The following PRELID2 variants were observed in gnomAD, a reference collection of about 807,000 sequenced individuals.
The protein encoded by PRELID2 is PRELI domain containing 2.
PRELID2 carries 25 observed loss-of-function variants against 28.4 expected under a neutral mutation model. The observed-to-expected ratio is 0.88, with a 90% CI of 0.64 to 1.23. The LOEUF (loss-of-function observed/expected upper bound fraction) is 1.23. PRELID2 is among the 50% of genes most tolerant of loss of function. PRELID2 has a pLI of 0.00. For synonymous variants in PRELID2, 76 were observed against 71.6 expected (o/e 1.06, Z -0.31); for missense variants, 201 against 214.4 (o/e 0.94, Z 0.39).
chr5:145,727,941 C>T (rs370396870), intron 1 of PRELID2, among the ~76,000 whole-genome samples: 2 of 152,144 alleles, frequency 1.3e-5, no homozygotes, highest in African/African-American at 4.8e-5. Flanking sequence ...TCCAAAAGGT[C>T]CCACTGGAGA....
chr5:145,729,862 T>C (rs552841384), intron 1 of PRELID2, among the ~76,000 whole-genome samples: 12 of 152,290 alleles, frequency 7.9e-5, no homozygotes, highest in African/African-American at 2.6e-4. Context: ...AATGTGAGTA[T>C]GGAGGCTGTG....
chr5:145,566,829 G>A (rs1458326441), intron 1 of PRELID2, among the ~76,000 whole-genome samples: 1 of 125,882 alleles, frequency 7.9e-6, no homozygotes, highest in East Asian at 2.3e-4. Context: ...GAGAGAGTGA[G>A]ACTCCATCTC....
intron 1 of PRELID2, among the ~76,000 whole-genome samples, chr5:145,573,864 T>C (rs1364206580): frequency 1.3e-5 from 2 of 152,186 alleles, no homozygotes; most frequent in South Asian, 2.1e-4. Context: ...ACCAAATTTT[T>C]GCCTCCAAGA....
At chr5:145,821,653 C>T (rs1754838797) in intron 2 of PRELID2, among the ~76,000 whole-genome samples, 1 of 152,224 alleles carries the variant, frequency 6.6e-6, no homozygotes, top group African/African-American at 2.4e-5. Context: ...TGCCCAGAAG[C>T]TGTTGATAGG....
chr5:145,332,514 G>A, the PRELID2 span, among the ~76,000 whole-genome samples: 1 of 151,586 alleles, frequency 6.6e-6, no homozygotes, highest in East Asian at 2.0e-4. Context: ...ATTTCATTAA[G>A]TTGATCTTCA....
At chr5:145,755,595 T>C (rs946862805), downstream of PRELID2, among the ~76,000 whole-genome samples, 6 of 152,240 alleles carry the variant, frequency 3.9e-5, no homozygotes, top group Non-Finnish European at 8.8e-5. Context: ...ATGGACTAAA[T>C]GGCTGGTATC....
At chr5:145,325,836 AC>A in the PRELID2 span, among the ~76,000 whole-genome samples, 1 of 152,192 alleles carries the variant, frequency 6.6e-6, no homozygotes, top group South Asian at 2.1e-4. Context: ...AACTAGTAAA[AC>A]TTTATTTGCA....
chr5:145,581,635 T>C (rs1327336519), intron 1 of PRELID2, among the ~76,000 whole-genome samples: 2 of 152,026 alleles, frequency 1.3e-5, no homozygotes, highest in Non-Finnish European at 2.9e-5. Flanking sequence ...AGGGTGAAAG[T>C]GCTTAGTCAA....
the PRELID2 span, among the ~76,000 whole-genome samples, chr5:145,445,520 CAA>C: frequency 1.3e-5 from 2 of 151,818 alleles, no homozygotes; most frequent in African/African-American, 4.8e-5. Flanking sequence ...CAAAAATAAA[CAA>C]ATGGAATTTT....
At chr5:145,565,964 T>C (rs142420315) in intron 1 of PRELID2, among the ~76,000 whole-genome samples, 249 of 152,340 alleles carry the variant, frequency 1.6e-3, no homozygotes, top group African/African-American at 5.7e-3. Context: ...CATGGACACA[T>C]CTAGAGCTTT....
chr5:145,725,731 A>G (rs1017662593), intron 1 of PRELID2, among the ~76,000 whole-genome samples: 1 of 152,140 alleles, frequency 6.6e-6, no homozygotes, highest in Non-Finnish European at 1.5e-5. Flanking sequence ...GTAGGCTTCT[A>G]CCCTCCCATA....
the PRELID2 span, among the ~76,000 whole-genome samples, chr5:145,459,175 A>G: frequency 6.6e-6 from 1 of 152,186 alleles, no homozygotes; most frequent in African/African-American, 2.4e-5. Flanking sequence ...ATGAATATCT[A>G]AAATATCCCC....
At chr5:145,768,019 G>A (rs1757873493) in intron 5 of PRELID2, among the ~76,000 whole-genome samples, 1 of 152,108 alleles carries the variant, frequency 6.6e-6, no homozygotes, top group African/African-American at 2.4e-5. Context: ...GAGGTCAAGA[G>A]ATGGAGACCA....
the PRELID2 span, among the ~76,000 whole-genome samples, chr5:145,411,985 C>A: frequency 6.6e-5 from 10 of 152,152 alleles, no homozygotes; most frequent in African/African-American, 2.2e-4. Flanking sequence ...AGCTGGGATG[C>A]AGGGTACCAA....
chr5:145,577,260 A>T (rs1753068791), intron 1 of PRELID2, among the ~76,000 whole-genome samples: 1 of 152,164 alleles, frequency 6.6e-6, no homozygotes. Flanking sequence ...TCAGCCCTAA[A>T]GAAATGGAGA....
chr5:145,299,644 C>CGTGT, the PRELID2 span, among the ~76,000 whole-genome samples: 3,922 of 109,366 alleles, frequency 0.036, 153 homozygotes, highest in African/African-American at 0.097. Context: ...TATGTGTGTG[C>CGTGT]GTGTGTGTGT....
intron 1 of PRELID2, among the ~76,000 whole-genome samples, chr5:145,608,976 A>G (rs979828753): frequency 5.3e-5 from 8 of 151,454 alleles, no homozygotes; most frequent in African/African-American, 9.7e-5. Flanking sequence ...TTTTCTCTTT[A>G]TCTTTGTCTG....
At chr5:145,270,813 TTGTG>T in the PRELID2 span, among the ~76,000 whole-genome samples, 2 of 152,112 alleles carry the variant, frequency 1.3e-5, no homozygotes, top group Non-Finnish European at 2.9e-5. Context: ...AAAATCATGA[TTGTG>T]TGTGAGTTCC....
At chr5:145,791,066 G>A (rs1452496456) in intron 5 of PRELID2, among the ~76,000 whole-genome samples, 2 of 152,084 alleles carry the variant, frequency 1.3e-5, no homozygotes, top group African/African-American at 2.4e-5. Flanking sequence ...ACCAGCCACT[G>A]AGTAATTTAT....
Sources: allele counts gnomAD v4.1 joint callset (sites outside exome capture counted in the v4.1 genomes callset), GRCh38; gene constraint gnomAD v4.1.1; transcripts MANE v1.5; gene names NCBI Gene and HGNC (gene_info 2026-07-23, HGNC 2026-07-21).